PACS1: variants seen among roughly 807,000 people sequenced by gnomAD.
PACS1 encodes the protein phosphofurin acidic cluster sorting protein 1, also known as PACS-1.
A neutral mutation model predicts 115.0 loss-of-function variants in PACS1; 24 were observed. That is an observed-to-expected ratio of 0.21 (90% CI 0.15 to 0.29). The LOEUF (loss-of-function observed/expected upper bound fraction) is 0.29, where lower values mean the gene tolerates loss of function less well. Ranked by LOEUF, PACS1 falls within the 10% of genes least tolerant of loss-of-function variation. PACS1 has a pLI of 1.00. For missense variants in PACS1, 838 were observed against 1,251.2 expected, an observed-to-expected ratio of 0.67 and a Z score of 4.98; for synonymous variants, 453 against 504.5, an observed-to-expected ratio of 0.90 and a Z score of 1.37.
intron 1 of PACS1, among the ~76,000 whole-genome samples, chr11:66,110,397 G>A (rs544057818): frequency 9.2e-5 from 14 of 152,106 alleles, no homozygotes; most frequent in African/African-American, 3.1e-4. Context: ...CTGCAGCCTC[G>A]CCCTCCTGGG....
At chr11:66,221,126 C>G (rs746785673) in intron 9 of PACS1, 28 bp from the exon 10 acceptor site, 2 of 1,602,800 alleles carry the variant, frequency 1.2e-6, no homozygotes, top group African/African-American at 2.7e-5. Context: ...CCTGGCAGCA[C>G]TGACCCTGGC....
chr11:66,192,267 A>G (rs1854543351), intron 1 of PACS1, among the ~76,000 whole-genome samples: 1 of 152,166 alleles, frequency 6.6e-6, no homozygotes, highest in Non-Finnish European at 1.5e-5. Context: ...AGCGGTGGAG[A>G]GGCAAGCCTG....
At chr11:66,219,444 C>T (rs1034957296) in intron 7 of PACS1, 14 of 501,142 alleles carry the variant, frequency 2.8e-5, no homozygotes, top group African/African-American at 5.8e-5. Flanking sequence ...ACTGTGAATC[C>T]GAAGGGCAAG....
chr11:66,081,440 CAAACA>C (rs1174564585), intron 1 of PACS1, among the ~76,000 whole-genome samples: 2 of 142,282 alleles, frequency 1.4e-5, no homozygotes, highest in South Asian at 2.2e-4. Context: ...CAAAACAAAA[CAAACA>C]AAACAAACAA....
At chr11:66,129,996 A>G (rs1858666159) in intron 1 of PACS1, among the ~76,000 whole-genome samples, 1 of 152,170 alleles carries the variant, frequency 6.6e-6, no homozygotes, top group South Asian at 2.1e-4. Flanking sequence ...GCTGGATTAT[A>G]ATTTTGATTT....
intron 1 of PACS1, among the ~76,000 whole-genome samples, chr11:66,122,799 A>C (rs182625920): frequency 3.9e-5 from 6 of 152,346 alleles, no homozygotes; most frequent in Admixed American, 3.9e-4. Context: ...ATGAGCAGAG[A>C]AAGTGGTTTC....
chr11:66,146,782 C>CA (rs1176719162), intron 1 of PACS1, among the ~76,000 whole-genome samples: 2 of 152,162 alleles, frequency 1.3e-5, no homozygotes, highest in Non-Finnish European at 2.9e-5. Flanking sequence ...TGTAGTGGCT[C>CA]ACGCCTGTAA....
intron 1 of PACS1, among the ~76,000 whole-genome samples, chr11:66,189,581 C>T (rs1373681274): frequency 6.6e-6 from 1 of 152,204 alleles, no homozygotes; most frequent in Non-Finnish European, 1.5e-5. Context: ...CATCCTTCTA[C>T]AACTCCAACA....
intron 1 of PACS1, among the ~76,000 whole-genome samples, chr11:66,177,001 C>A (rs767302253): frequency 3.3e-5 from 5 of 152,108 alleles, no homozygotes; most frequent in African/African-American, 1.2e-4. Context: ...GGTCAGGGAT[C>A]GTTCTTGATT....
At chr11:66,178,700 ATTATT>A (rs1859934855) in intron 1 of PACS1, among the ~76,000 whole-genome samples, 1 of 152,200 alleles carries the variant, frequency 6.6e-6, no homozygotes, top group Admixed American at 6.5e-5. Context: ...GAAGTGTGGC[ATTATT>A]TTATATTTTT....
intron 5 of PACS1, 45 bp from the exon 6 acceptor site, chr11:66,216,475 A>G: frequency 6.4e-7 from 1 of 1,554,016 alleles, no homozygotes; most frequent in Non-Finnish European, 8.9e-7. Context: ...TTCTTAGGCC[A>G]GATCTTCCCA....
chr11:66,216,086 T>TTA (rs1855201291), intron 4 of PACS1, 33 bp from the exon 5 acceptor site: 1 of 1,611,498 alleles, frequency 6.2e-7, no homozygotes, highest in South Asian at 1.1e-5. Flanking sequence ...GCCTCTGTAG[T>TTA]AACACGCCTC....
At chr11:66,149,895 A>G (rs1331424752) in intron 1 of PACS1, among the ~76,000 whole-genome samples, 1 of 152,022 alleles carries the variant, frequency 6.6e-6, no homozygotes, top group Non-Finnish European at 1.5e-5. Context: ...GATTACAGGC[A>G]TGCACCACCA....
intron 1 of PACS1, among the ~76,000 whole-genome samples, chr11:66,086,428 G>A (rs374558908): frequency 4.1e-4 from 63 of 151,972 alleles, no homozygotes; most frequent in African/African-American, 1.4e-3. Flanking sequence ...GTGAGCCACC[G>A]CGCCCGGCCT....
At chr11:66,180,428 C>T (rs1859980713) in intron 1 of PACS1, among the ~76,000 whole-genome samples, 1 of 151,964 alleles carries the variant, frequency 6.6e-6, no homozygotes, top group African/African-American at 2.4e-5. Flanking sequence ...GATCTCAGCT[C>T]ACTGCAACCT....
chr11:66,079,842 C>A (rs1408843681), intron 1 of PACS1, among the ~76,000 whole-genome samples: 1 of 152,182 alleles, frequency 6.6e-6, no homozygotes, highest in Non-Finnish European at 1.5e-5. Flanking sequence ...ATGTCTTTGA[C>A]CTCACCTTTG....
At chr11:66,098,907 A>C (rs1358062004) in intron 1 of PACS1, among the ~76,000 whole-genome samples, 1 of 152,216 alleles carries the variant, frequency 6.6e-6, no homozygotes, top group Non-Finnish European at 1.5e-5. Flanking sequence ...ACATCACATC[A>C]AGGGGCACAT....
intron 1 of PACS1, among the ~76,000 whole-genome samples, chr11:66,149,828 C>T (rs974293031): frequency 6.6e-6 from 1 of 152,088 alleles, no homozygotes; most frequent in Non-Finnish European, 1.5e-5. Flanking sequence ...CGGCTCACTG[C>T]AACCTCTGCC....
rs553649600 is a variant in PACS1, at chr11:66,084,526, CAG to C, written c.356+13685_356+13686del. On this transcript the variant is annotated intron_variant, in intron 1 of 23. Coordinates refer to ENST00000320580, the MANE Select transcript of PACS1 (RefSeq NM_018026.4). ...TGTGTGTGGAAGCAGGGAGTCCGGTCAGGGGGCTGCTGTGATGATCTAGGTGG... is the reference window on the plus strand; with the variant it reads ...TGTGTGTGGAAGCAGGGAGTCCGGTCGGGGCTGCTGTGATGATCTAGGTGG... 4.9e-3 allele frequency among the ~76,000 whole-genome samples: 740 copies of C among 151,664 alleles called. 9 individuals carry two copies. The highest frequency in any genetic ancestry group is 0.015 in the African/African-American group (610 of 41,340).
Sources: gnomAD v4.1 joint callset for allele counts (sites outside exome capture counted in the v4.1 genomes callset) on GRCh38, gnomAD v4.1.1 for gene constraint, MANE v1.5 for transcripts, NCBI Gene and HGNC (gene_info 2026-07-23, HGNC 2026-07-21) for gene names.